ZNF385B: variants seen among roughly 807,000 people sequenced by gnomAD.
The protein encoded by ZNF385B is zinc finger protein 533.
ZNF385B carries 23 observed loss-of-function variants against 39.2 expected under a neutral mutation model. That is an observed-to-expected ratio of 0.59 (90% confidence interval 0.42 to 0.83). The LOEUF (loss-of-function observed/expected upper bound fraction) is 0.83. ZNF385B is among the 40% of genes least tolerant of loss of function. ZNF385B has a pLI of 0.00. For synonymous variants in ZNF385B, 205 were observed against 222.6 expected, an observed-to-expected ratio of 0.92 and a Z score of 0.70; for missense variants, 552 against 598.9, an observed-to-expected ratio of 0.92 and a Z score of 0.82.
At chr2:179,477,725 A>C (rs1005330170) in intron 6 of ZNF385B, among the ~76,000 whole-genome samples, 3 of 151,892 alleles carry the variant, frequency 2.0e-5, no homozygotes, top group African/African-American at 7.3e-5. Flanking sequence ...GTCAAGCAGG[A>C]ACTTTGAGAA....
chr2:179,700,921 A>G (rs561257677), intron 3 of ZNF385B, among the ~76,000 whole-genome samples: 11 of 152,258 alleles, frequency 7.2e-5, no homozygotes, highest in African/African-American at 1.9e-4. Context: ...GGCTGAGGCA[A>G]GAGAATCTCT....
At chr2:179,580,594 T>C (rs1686383720) in intron 3 of ZNF385B, among the ~76,000 whole-genome samples, 2 of 152,188 alleles carry the variant, frequency 1.3e-5, no homozygotes, top group Admixed American at 6.6e-5. Context: ...CCTAATCTAA[T>C]AGGGCTAGTT....
chr2:179,545,177 T>C (rs1159143006), intron 3 of ZNF385B, among the ~76,000 whole-genome samples: 3 of 152,176 alleles, frequency 2.0e-5, no homozygotes, highest in Non-Finnish European at 4.4e-5. Flanking sequence ...TGCTTCCCTA[T>C]GGGCAAGGGC....
At chr2:179,497,297 A>G (rs1264024466) in intron 5 of ZNF385B, among the ~76,000 whole-genome samples, 1 of 152,220 alleles carries the variant, frequency 6.6e-6, no homozygotes, top group Non-Finnish European at 1.5e-5. Flanking sequence ...CTCTTAGCCT[A>G]AGTAGAAAGA....
In ZNF385B at chr2:179,562,536, A is replaced by C. The variant is rs1348876878; in HGVS notation, c.299-17567T>G. 3.0e-6 allele frequency: 3 copies of C among 985,412 alleles called. No homozygotes were observed. In the East Asian group the frequency reaches 3.4e-4, roughly 112 times the overall value. 61.0% of individuals were successfully genotyped at this position (985,412 alleles called of 1,614,324 possible). On this transcript the variant is annotated intron_variant, in intron 3 of 9. Transcript: ENST00000410066. ...TGGTGCTAGGAAACAGCCGGCAGGC[A>C]GTGCTTCTGAACAAATCATACGTCC...
At chr2:179,813,212 A>T (rs908710413) in intron 1 of ZNF385B, among the ~76,000 whole-genome samples, 3 of 152,168 alleles carry the variant, frequency 2.0e-5, no homozygotes, top group Non-Finnish European at 4.4e-5. Flanking sequence ...TCTACTTGAA[A>T]TTTATTTTGG....
intron 3 of ZNF385B, among the ~76,000 whole-genome samples, chr2:179,582,330 T>C (rs959061860): frequency 2.6e-5 from 4 of 152,198 alleles, no homozygotes; most frequent in Non-Finnish European, 4.4e-5. Flanking sequence ...GTCTAGCAGT[T>C]GGTTACCAGC....
chr2:179,699,723 A>G (rs1699035130), intron 3 of ZNF385B, among the ~76,000 whole-genome samples: 1 of 152,204 alleles, frequency 6.6e-6, no homozygotes, highest in African/African-American at 2.4e-5. Context: ...AAAGGTGGCT[A>G]TATATTTATA....
chr2:179,538,733 A>G (rs1038272625), intron 4 of ZNF385B, among the ~76,000 whole-genome samples: 1 of 152,220 alleles, frequency 6.6e-6, no homozygotes, highest in African/African-American at 2.4e-5. Context: ...ATTTCAAGGT[A>G]GGCAGTAAAA....
intron 3 of ZNF385B, among the ~76,000 whole-genome samples, chr2:179,743,548 C>A (rs1314692233): frequency 6.6e-6 from 1 of 151,998 alleles, no homozygotes; most frequent in Non-Finnish European, 1.5e-5. Flanking sequence ...AGTATAATAG[C>A]AACATCCAAA....
At chr2:179,508,973 G>T (rs62177242) in intron 5 of ZNF385B, among the ~76,000 whole-genome samples, 9,026 of 147,482 alleles carry the variant, frequency 0.061, 344 homozygotes, top group South Asian at 0.11. Flanking sequence ...TTGAGACAGA[G>T]TCTCGCTCTG....
chr2:179,680,895 C>T (rs879552684), intron 3 of ZNF385B, among the ~76,000 whole-genome samples: 13 of 152,056 alleles, frequency 8.5e-5, no homozygotes, highest in African/African-American at 2.2e-4. Flanking sequence ...AAATTGTCTT[C>T]TAAATATAGA....
chr2:179,738,124 AG>A (rs1269749687), intron 3 of ZNF385B, among the ~76,000 whole-genome samples: 2 of 152,122 alleles, frequency 1.3e-5, no homozygotes, highest in Non-Finnish European at 2.9e-5. Flanking sequence ...CCATGTCCAA[AG>A]AAAAAAGGAA....
chr2:179,852,218 C>T (rs1404172933), intron 1 of ZNF385B, among the ~76,000 whole-genome samples: 1 of 152,176 alleles, frequency 6.6e-6, no homozygotes, highest in Non-Finnish European at 1.5e-5. Flanking sequence ...AAGCCTATTT[C>T]TTACCATAAA....
At position 179,788,437 on chromosome 2, in the gene ZNF385B, G is replaced by A. The variant is rs565675869; in HGVS notation, c.-154-17765C>T. On this transcript the variant is annotated intron_variant, in intron 1 of 9. Transcript: ENST00000410066. The stretch of plus-strand genomic sequence containing the variant: ...TGCAGCAAATGTAACATGCTCAAGA[G>A]TAACATGAGAAGAAAATAGCAATTC... Among the ~76,000 whole-genome samples the A allele has an allele frequency of 7.2e-5, 11 of 152,292 alleles. No individual in the cohort carries two copies. In the South Asian group the frequency reaches 2.3e-3, roughly 32 times the overall value.
intron 3 of ZNF385B, among the ~76,000 whole-genome samples, chr2:179,737,500 G>A (rs536297701): frequency 1.9e-4 from 29 of 151,074 alleles, no homozygotes; most frequent in Middle Eastern, 6.8e-3. Flanking sequence ...GCTCCATATC[G>A]CCCATCAATA....
At chr2:179,737,885 C>T (rs1230920130) in intron 3 of ZNF385B, among the ~76,000 whole-genome samples, 1 of 152,192 alleles carries the variant, frequency 6.6e-6, no homozygotes, top group Non-Finnish European at 1.5e-5. Flanking sequence ...GCCTCAGAAA[C>T]TGTTCCATAA....
chr2:179,519,389 T>C (rs915561447), intron 4 of ZNF385B, among the ~76,000 whole-genome samples: 11 of 152,224 alleles, frequency 7.2e-5, no homozygotes, highest in African/African-American at 2.7e-4. Flanking sequence ...GTCAGAACTG[T>C]ACACTTAAAT....
intron 1 of ZNF385B, among the ~76,000 whole-genome samples, chr2:179,774,580 A>T (rs918648084): frequency 2.6e-5 from 4 of 151,898 alleles, no homozygotes; most frequent in Non-Finnish European, 4.4e-5. Context: ...GATGGTCTTG[A>T]TCTCCTGACC....
Sources: gnomAD v4.1 joint callset for allele counts (sites outside exome capture counted in the v4.1 genomes callset) on GRCh38, gnomAD v4.1.1 for gene constraint, MANE v1.5 for transcripts, NCBI Gene and HGNC (gene_info 2026-07-23, HGNC 2026-07-21) for gene names.